The following MINDY4 variants were observed in gnomAD, a reference collection of about 807,000 sequenced individuals.
MINDY4 encodes the protein MINDY lysine 48 deubiquitinase 4.
MINDY4 carries 68 observed loss-of-function variants against 87.0 expected under a neutral mutation model. That is an observed-to-expected ratio of 0.78 (90% confidence interval 0.64 to 0.96). The LOEUF (loss-of-function observed/expected upper bound fraction) is 0.96. Ranked by LOEUF, MINDY4 falls within the 40% of genes least tolerant of loss-of-function variation. The pLI, the probability that MINDY4 is intolerant of heterozygous loss-of-function variation, is 0.00. For missense variants in MINDY4, 919 were observed against 928.2 expected (o/e 0.99, Z 0.13); for synonymous variants, 379 against 363.2 (o/e 1.04, Z -0.50).
intron 1 of MINDY4, among the ~76,000 whole-genome samples, chr7:30,772,203 A>T (rs1012503327): frequency 6.6e-6 from 1 of 151,860 alleles, no homozygotes; most frequent in African/African-American, 2.4e-5. Context: ...TGGGCGTGGT[A>T]GTGGAGGGGG....
intron 13 of MINDY4, among the ~76,000 whole-genome samples, chr7:30,864,256 T>C (rs1789861331): frequency 1.3e-5 from 2 of 152,254 alleles, no homozygotes; most frequent in African/African-American, 4.8e-5. Context: ...CATGTCACTC[T>C]GTGGCTCTTT....
intron 4 of MINDY4, among the ~76,000 whole-genome samples, chr7:30,787,565 T>G (rs1787192543): frequency 6.6e-6 from 1 of 152,240 alleles, no homozygotes; most frequent in Admixed American, 6.5e-5. Context: ...CATGTGTGCT[T>G]GCTGGCACCA....
At position 30,882,970 on chromosome 7, in the gene MINDY4, CCTCGAG is replaced by C. The variant is rs1319497574; in HGVS notation, c.2206_2211del (p.Glu736_Leu737del). On this transcript the variant is annotated inframe_deletion, in exon 17 of 18. Coordinates refer to ENST00000265299, the MANE Select transcript of MINDY4 (RefSeq NM_032222.3). ...ACACAGACAACGACCTTGTCCCACC[CCTCGAG>C]CTCTGCATCAGAACCAAGTGAGTCA... is the stretch of plus-strand genomic sequence containing the variant. 1 of 1,613,988 alleles carries C rather than the reference CCTCGAG, an allele frequency of 6.2e-7. No homozygotes were observed. Among genetic ancestry groups the C allele is most frequent in the Non-Finnish European group, 8.5e-7 (1 of 1,179,996 alleles).
chr7:30,860,333 C>G (rs892422757), intron 13 of MINDY4, among the ~76,000 whole-genome samples: 4 of 152,128 alleles, frequency 2.6e-5, no homozygotes, highest in Admixed American at 6.5e-5. Context: ...GCTCTGTGGC[C>G]TCGTGCGCCA....
intron 1 of MINDY4, among the ~76,000 whole-genome samples, chr7:30,776,888 C>G (rs182380531): frequency 3.0e-4 from 45 of 152,278 alleles, no homozygotes; most frequent in African/African-American, 1.0e-3. Context: ...GTTTGTTGGG[C>G]GAATGAAGTT....
At chr7:30,781,135 GC>G (rs1457530995) in intron 2 of MINDY4, 6 of 152,218 alleles carry the variant, frequency 3.9e-5, no homozygotes, top group Non-Finnish European at 8.8e-5. Context: ...ATCACAGAGT[GC>G]CCCATGTCCA....
At chr7:30,772,732 AT>A (rs1227078566) in intron 1 of MINDY4, among the ~76,000 whole-genome samples, 1 of 152,116 alleles carries the variant, frequency 6.6e-6, no homozygotes, top group Non-Finnish European at 1.5e-5. Context: ...CCCTGTCTTT[AT>A]GGCTAATTGA....
Position 30,781,984 on chromosome 7 carries a change from A to G in MINDY4, c.191A>G (p.Glu64Gly). The change falls in exon 3 of 18, where the codon GAA becomes GGA. Residue 64 changes from glutamate (E) to glycine (G), a missense_variant. Glu to Gly is a moderately conservative substitution (Grantham distance 98, BLOSUM62 -2). Coordinates refer to ENST00000265299, the MANE Select transcript of MINDY4 (RefSeq NM_032222.3). Reference protein sequence around the residue: ...EFLYKENKAKENPLKTSLELI... With the variant: ...EFLYKENKAKGNPLKTSLELI... ...TTTCTCTCCCAATGATAGGCAAAGG[A>G]AAATCCTCTAAAAACAAGCCTTGAA... is the stretch of plus-strand genomic sequence containing the variant. 1 of 1,612,438 alleles carries G rather than the reference A, an allele frequency of 6.2e-7. No homozygotes were observed. Among genetic ancestry groups the G allele is most frequent in the South Asian group, 1.1e-5 (1 of 90,634 alleles).
At chr7:30,783,155 A>G (rs555705535) in intron 3 of MINDY4, among the ~76,000 whole-genome samples, 19 of 152,202 alleles carry the variant, frequency 1.2e-4, no homozygotes, top group African/African-American at 4.3e-4. Context: ...TTCTGTCTGG[A>G]GGTTCTGAGG....
At chr7:30,800,275 G>T (rs571575966) in intron 5 of MINDY4, among the ~76,000 whole-genome samples, 4 of 152,162 alleles carry the variant, frequency 2.6e-5, no homozygotes, top group Non-Finnish European at 5.9e-5. Context: ...GGATGCCCTG[G>T]TGAGATGGGC....
In MINDY4 at chr7:30,867,180, CTCA is replaced by C. The variant is rs1584336298; in HGVS notation, c.1746-5060_1746-5058del. Among the ~76,000 whole-genome samples the C allele has an allele frequency of 2.0e-5, 3 of 152,312 alleles. No individual in the cohort carries two copies. The East Asian group carries it at 5.8e-4, about 29-fold the overall frequency. ...GGGGCCTGACACCCATTGGTTCTGACTCATCGTCTACTCCCTCTTGGCCATCCT... is the reference window on the plus strand; with the variant it reads ...GGGGCCTGACACCCATTGGTTCTGACTCGTCTACTCCCTCTTGGCCATCCT... On this transcript the variant is annotated intron_variant, in intron 13 of 17. Coordinates refer to ENST00000265299, the MANE Select transcript of MINDY4 (RefSeq NM_032222.3).
chr7:30,884,305 C>T (rs1028932796), intron 17 of MINDY4, among the ~76,000 whole-genome samples: 4 of 152,204 alleles, frequency 2.6e-5, no homozygotes, highest in African/African-American at 4.8e-5. Context: ...TCCGTCCATC[C>T]GTTCGTCCAT....
intron 5 of MINDY4, chr7:30,802,947 C>T (rs535526650): frequency 6.6e-6 from 1 of 152,054 alleles, no homozygotes; most frequent in Non-Finnish European, 1.5e-5. Context: ...CCAACCAACC[C>T]ACCCAACCAA....
chr7:30,822,120 G>T (rs1043137191), intron 5 of MINDY4, among the ~76,000 whole-genome samples: 5 of 151,586 alleles, frequency 3.3e-5, no homozygotes, highest in Non-Finnish European at 7.4e-5. Flanking sequence ...TCTCCTAAGG[G>T]CAAGAACATT....
chr7:30,799,931 A>G (rs929309580), intron 5 of MINDY4, among the ~76,000 whole-genome samples: 2 of 152,172 alleles, frequency 1.3e-5, no homozygotes, highest in Non-Finnish European at 2.9e-5. Flanking sequence ...GAATTGACTC[A>G]GAGTTAGTCC....
chr7:30,866,767 A>G (rs1789949216), intron 13 of MINDY4, among the ~76,000 whole-genome samples: 1 of 152,014 alleles, frequency 6.6e-6, no homozygotes, highest in African/African-American at 2.4e-5. Flanking sequence ...GTTGGGAGGG[A>G]AGGAGCTGGA....
chr7:30,792,972 T>G (rs182931891), intron 5 of MINDY4, among the ~76,000 whole-genome samples: 3 of 151,750 alleles, frequency 2.0e-5, no homozygotes, highest in Admixed American at 6.6e-5. Flanking sequence ...TAAGTAATGT[T>G]TTGTCTGTAT....
At chr7:30,891,832 G>A (rs988741816) in intron 17 of MINDY4, 125 bp from the exon 18 acceptor site, 33 of 916,408 alleles carry the variant, frequency 3.6e-5, no homozygotes, top group Non-Finnish European at 5.6e-5. Context: ...AGATGAGCAG[G>A]ATGGAAACCG....
chr7:30,806,033 A>C (rs866635980), intron 5 of MINDY4, among the ~76,000 whole-genome samples: 1 of 152,294 alleles, frequency 6.6e-6, no homozygotes, highest in Admixed American at 6.5e-5. Context: ...GTCTGTAATG[A>C]TGGGCCCAGG....
Sources: gnomAD v4.1 joint callset for allele counts (sites outside exome capture counted in the v4.1 genomes callset) on GRCh38, gnomAD v4.1.1 for gene constraint, MANE v1.5 for transcripts, NCBI Gene and HGNC (gene_info 2026-07-23, HGNC 2026-07-21) for gene names.